Variants in CCDC136 observed in about 807,000 individuals in gnomAD.
CCDC136 encodes coiled-coil domain-containing protein 136.
CCDC136 carries 100 observed loss-of-function variants against 141.2 expected under a neutral mutation model. That is an observed-to-expected ratio of 0.71 (90% confidence interval 0.60 to 0.84). The LOEUF is 0.84. CCDC136 is among the 40% of genes least tolerant of loss of function. The pLI is 0.00. For missense variants in CCDC136, 1,206 were observed against 1,379.4 expected, an observed-to-expected ratio of 0.87 and a Z score of 1.99; for synonymous variants, 474 against 531.9, an observed-to-expected ratio of 0.89 and a Z score of 1.50.
chr7:128,798,122 T>G (rs1453014526), intron 3 of CCDC136, among the ~76,000 whole-genome samples: 1 of 149,632 alleles, frequency 6.7e-6, no homozygotes, highest in African/African-American at 2.5e-5. Context: ...TTTCACTGTG[T>G]TAGCCAGGAT....
intron 14 of CCDC136, among the ~76,000 whole-genome samples, chr7:128,813,388 G>C (rs1806081371): frequency 6.6e-6 from 1 of 152,188 alleles, no homozygotes; most frequent in Non-Finnish European, 1.5e-5. Context: ...CAGAAGTCTT[G>C]TCTCTGGCCA....
chr7:128,806,511 G>A (rs1394764868), intron 8 of CCDC136, 116 bp downstream of exon 8: 3 of 1,121,206 alleles, frequency 2.7e-6, no homozygotes, highest in Non-Finnish European at 3.8e-6. Flanking sequence ...CACATAGGCA[G>A]CACCACAGGT....
At chr7:128,793,018 C>T (rs1367526836) in intron 1 of CCDC136, among the ~76,000 whole-genome samples, 1 of 152,238 alleles carries the variant, frequency 6.6e-6, no homozygotes, top group Non-Finnish European at 1.5e-5. Context: ...CCAGTACTTC[C>T]TGTGAAGTGT....
Position 128,805,413 on chromosome 7 carries a change from A to C in CCDC136, c.837A>C (p.Ser279=). Residue 279 remains serine, a synonymous_variant, in exon 6 of 18, where the codon TCA becomes TCC. Transcript: ENST00000297788. The surrounding 1 kb of genome is among the most constrained non-coding windows in gnomAD (Gnocchi z 4.6). ...AGTCCCAAACACTGAGTATGACGTC[A>C]GCAGAGTCTCAGACTTCAGAAATGG... ...WLQSQTLSMT[S]AESQTSEMDF... is the part of the protein sequence containing the mutation. 1 of 1,614,020 alleles carries C rather than the reference A, an allele frequency of 6.2e-7. No homozygotes were observed. Among genetic ancestry groups the C allele is most frequent in the South Asian group, 1.1e-5 (1 of 91,086 alleles).
chr7:128,818,805 TG>T (rs1807035774), intron 17 of CCDC136, among the ~76,000 whole-genome samples: 1 of 152,208 alleles, frequency 6.6e-6, no homozygotes, highest in African/African-American at 2.4e-5. Context: ...ACCTGCCTTC[TG>T]GAACCCATAA....
At chr7:128,813,396 C>T (rs1013841434) in intron 14 of CCDC136, among the ~76,000 whole-genome samples, 2 of 152,096 alleles carry the variant, frequency 1.3e-5, no homozygotes, top group African/African-American at 4.8e-5. Context: ...TTGTCTCTGG[C>T]CAGGGGTTCA....
In CCDC136 at chr7:128,792,163, A is replaced by G; in HGVS notation, c.-249A>G. ...CAGGGCTGAGAGGTGGCCGAGAGAG[A>G]GGAGTCGCAGAGCCGCCAGAGTGAG... On this transcript the variant is annotated 5_prime_UTR_variant, in exon 1 of 18. Coordinates refer to ENST00000297788, the MANE Select transcript of CCDC136 (RefSeq NM_022742.5). 7.0e-7 allele frequency: 1 copy of G among 1,435,710 alleles called. No individual in the cohort carries two copies. The highest frequency in any genetic ancestry group is 1.5e-5 in the African/African-American group (1 of 68,698). 88.9% of individuals were successfully genotyped at this position (1,435,710 alleles called of 1,614,324 possible).
intron 4 of CCDC136, among the ~76,000 whole-genome samples, chr7:128,804,236 C>T (rs919302973): frequency 6.6e-6 from 1 of 152,202 alleles, no homozygotes; most frequent in African/African-American, 2.4e-5. Context: ...CATCTCTCAG[C>T]TTTTTGTACT....
rs746868877 is a variant in CCDC136 at position 128,810,134 on chromosome 7, C to T, written c.1801-5C>T. On this transcript the variant is annotated splice_polypyrimidine_tract_variant and splice_region_variant and intron_variant, in intron 11 of 17. Coordinates refer to ENST00000297788, the MANE Select transcript of CCDC136 (RefSeq NM_022742.5). ...CCTTGCCTCCTTCCTTCTACTCCGC[C>T]TCAGAGTCAGGAGCTACTCACCAAG... 35 of 1,566,780 alleles carry T rather than the reference C, an allele frequency of 2.2e-5. No homozygotes were observed. The African/African-American group carries it at 4.5e-4, about 20-fold the overall frequency.
intron 13 of CCDC136, 52 bp from the exon 14 acceptor site, chr7:128,812,656 C>T (rs900270820): frequency 2.2e-5 from 31 of 1,390,578 alleles, no homozygotes; most frequent in Admixed American, 1.3e-4. Flanking sequence ...CAGAGTAGGG[C>T]GGAGCTTAGG....
chr7:128,802,977 T>C (rs1166564637), intron 4 of CCDC136, among the ~76,000 whole-genome samples: 1 of 152,232 alleles, frequency 6.6e-6, no homozygotes, highest in Non-Finnish European at 1.5e-5. Context: ...TCATTAAAGA[T>C]TAGTTTCCTT....
intron 1 of CCDC136, among the ~76,000 whole-genome samples, chr7:128,793,590 A>AGTTTTTGTTTGGTT (rs1397339491): frequency 6.6e-6 from 1 of 152,044 alleles, no homozygotes; most frequent in Non-Finnish European, 1.5e-5. Flanking sequence ...CCACCTGGAT[A>AGTTTTTGTTTGGTT]GTTTTTGTTT....
chr7:128,812,455 C>T, intron 13 of CCDC136, 143 bp downstream of exon 13: 1 of 938,040 alleles, frequency 1.1e-6, no homozygotes, highest in Non-Finnish European at 1.6e-6. Context: ...GCGAAGCCCT[C>T]TACCCATGGC....
chr7:128,792,488 C>A, intron 1 of CCDC136, 61 bp downstream of exon 1: 1 of 1,348,972 alleles, frequency 7.4e-7, no homozygotes, highest in Non-Finnish European at 1.0e-6. Flanking sequence ...TCCCTTCTTT[C>A]CTCCCTCTGA....
rs1198369122 is a variant in CCDC136, at chr7:128,817,355, C to T, written c.3364-403C>T. On this transcript the variant is annotated intron_variant, in intron 16 of 17. Coordinates refer to ENST00000297788, the MANE Select transcript of CCDC136 (RefSeq NM_022742.5). This position sits in a 1 kb window ranked among gnomAD's most constrained non-coding sequence, Gnocchi z 4.6. ...AAATACTAAGAAACTTAATGGAAAG[C>T]AGGCTAGAACAAAGGGACAGGTGAC... 6.6e-6 allele frequency among the ~76,000 whole-genome samples: 1 copy of T among 152,092 alleles called. No homozygotes were observed. The highest frequency in any genetic ancestry group is 2.4e-5 in the African/African-American group (1 of 41,406).
At chr7:128,808,586 C>T (rs1472891895) in intron 10 of CCDC136, 12 of 985,222 alleles carry the variant, frequency 1.2e-5, no homozygotes, top group Non-Finnish European at 1.3e-5. Flanking sequence ...GAGTCTCTAA[C>T]GATGGTGGAG....
chr7:128,810,410 C>A, intron 12 of CCDC136, 44 bp downstream of exon 12: 1 of 1,401,534 alleles, frequency 7.1e-7, no homozygotes, highest in South Asian at 1.2e-5. Flanking sequence ...CTGAGCACAA[C>A]AGCATGGCAG....
intron 12 of CCDC136, among the ~76,000 whole-genome samples, chr7:128,811,524 C>T (rs376619819): frequency 3.9e-5 from 6 of 152,152 alleles, no homozygotes; most frequent in East Asian, 3.9e-4. Context: ...CGGCACTGCT[C>T]CAAGGAGACA....
At chr7:128,797,904 T>C (rs1035253994) in intron 3 of CCDC136, among the ~76,000 whole-genome samples, 1 of 149,030 alleles carries the variant, frequency 6.7e-6, no homozygotes, top group African/African-American at 2.5e-5. Flanking sequence ...AGGAACTACC[T>C]GGGAAAATAG....
Sources: allele counts gnomAD v4.1 joint callset (sites outside exome capture counted in the v4.1 genomes callset), GRCh38; gene constraint gnomAD v4.1.1; non-coding constraint Gnocchi (gnomAD v3.1); transcripts MANE v1.5; gene names NCBI Gene and HGNC (gene_info 2026-07-23, HGNC 2026-07-21).